Variants in MYOM1 observed in about 807,000 individuals in gnomAD.
MYOM1 encodes the protein myomesin-1.
Under a neutral mutation model 205.3 loss-of-function variants are expected in MYOM1, and 164 were observed. The ratio of observed to expected loss-of-function variants is 0.80; its 90% CI spans 0.70 to 0.91. The LOEUF (loss-of-function observed/expected upper bound fraction) is 0.91. Among genes scored for constraint, MYOM1 ranks in the 40% least tolerant of loss-of-function variants. The pLI is 0.00. For missense variants in MYOM1, 2,011 were observed against 2,127.3 expected (o/e 0.95, Z 1.08); for synonymous variants, 772 against 789.4 (o/e 0.98, Z 0.37).
chr18:3,139,296 T>C (rs1341141912), intron 14 of MYOM1, among the ~76,000 whole-genome samples: 9 of 152,136 alleles, frequency 5.9e-5, no homozygotes, highest in Admixed American at 2.6e-4. Flanking sequence ...AGATTTTTGA[T>C]AGGGGAGTGA....
chr18:3,124,694 T>TA (rs2079754117), intron 19 of MYOM1, among the ~76,000 whole-genome samples: 1 of 152,026 alleles, frequency 6.6e-6, no homozygotes, highest in Non-Finnish European at 1.5e-5. Flanking sequence ...ATTTTGATGC[T>TA]TAACTCACAG....
At chr18:3,096,276 A>C (rs144005152) in intron 25 of MYOM1, among the ~76,000 whole-genome samples, 48 of 152,282 alleles carry the variant, frequency 3.2e-4, no homozygotes, top group Non-Finnish European at 3.5e-4. Context: ...TCCCCTCTAA[A>C]ATCAAATCGC....
At position 3,135,684 on chromosome 18, in the gene MYOM1, G is replaced by C; in HGVS notation, c.2072C>G (p.Pro691Arg). The C allele has an allele frequency of 6.2e-7, 1 of 1,613,934 alleles. No homozygotes were observed. Among genetic ancestry groups the C allele is most frequent in the Admixed American group, 1.7e-5 (1 of 60,008 alleles). Residue 691 changes from proline to arginine, a missense_variant, in exon 15 of 38, where the codon CCT (proline) becomes CGT (arginine). Pro to Arg is a moderately radical substitution (Grantham distance 103). Transcript: ENST00000356443. This position sits in a 1 kb window ranked among gnomAD's most constrained non-coding sequence, Gnocchi z 4.1. ...ENWQRVNTEL[P>R]VKSPRFALFD... ...CAGAGCAAAGCGGGGAGACTTCACA[G>C]GGAGCTCCGTGTTCACTCGCTGCCA...
chr18:3,080,773 A>G (rs2079075958), intron 33 of MYOM1, among the ~76,000 whole-genome samples: 1 of 152,206 alleles, frequency 6.6e-6, no homozygotes, highest in Admixed American at 6.5e-5. Context: ...ATCTAAAAAG[A>G]TATTAAAAAT....
chr18:3,087,989 TA>T (rs1193057776), intron 29 of MYOM1, among the ~76,000 whole-genome samples: 1 of 152,182 alleles, frequency 6.6e-6, no homozygotes, highest in African/African-American at 2.4e-5. Flanking sequence ...GGAGGCCTTC[TA>T]GAGATGACTG....
rs538980169 is a variant in MYOM1 at position 3,164,405 on chromosome 18, T to C, written c.1374A>G (p.Thr458=). 6.0e-5 allele frequency: 96 copies of C among 1,608,704 alleles called. 1 individual carries two copies. The Middle Eastern group carries it at 1.3e-3, about 22-fold the overall frequency. ...GCGTTGCCCGCTCTCCACTCCAAAG[T>C]GTTTGCACCCATTTTGATGGAGAAA... ...VPLSPSKWVQ[T]LWSGERATLT... Residue 458 remains threonine (T), a synonymous_variant, in exon 10 of 38, where the codon ACA becomes ACG. Coordinates refer to ENST00000356443, the MANE Select transcript of MYOM1 (RefSeq NM_003803.4).
At chr18:3,115,508 T>C (rs759329292) in intron 21 of MYOM1, among the ~76,000 whole-genome samples, 4 of 152,180 alleles carry the variant, frequency 2.6e-5, no homozygotes, top group African/African-American at 4.8e-5. Flanking sequence ...CAATGACCTC[T>C]TCTGCCAAAA....
intron 10 of MYOM1, among the ~76,000 whole-genome samples, chr18:3,162,705 C>A (rs1323821377): frequency 6.6e-6 from 1 of 152,128 alleles, no homozygotes; most frequent in African/African-American, 2.4e-5. Context: ...GAATAATATT[C>A]CACATGTGCA....
intron 5 of MYOM1, among the ~76,000 whole-genome samples, chr18:3,186,249 T>G (rs1236069691): frequency 6.6e-6 from 1 of 151,962 alleles, no homozygotes; most frequent in African/African-American, 2.4e-5. Context: ...GTTTATCTTG[T>G]CAGCTACCTC....
At chr18:3,138,361 T>G (rs2080000858) in intron 14 of MYOM1, among the ~76,000 whole-genome samples, 1 of 152,154 alleles carries the variant, frequency 6.6e-6, no homozygotes, top group African/African-American at 2.4e-5. Context: ...TGATCTTCGT[T>G]GACTTGACAG....
At chr18:3,078,068 G>A (rs1337798963) in intron 34 of MYOM1, among the ~76,000 whole-genome samples, 1 of 151,012 alleles carries the variant, frequency 6.6e-6, no homozygotes, top group African/African-American at 2.4e-5. Flanking sequence ...TTGAGACAGA[G>A]TCTCGCTCTG....
chr18:3,228,173 A>G, the MYOM1 span, among the ~76,000 whole-genome samples: 1 of 152,206 alleles, frequency 6.6e-6, no homozygotes, highest in Non-Finnish European at 1.5e-5. The surrounding 1 kb of genome is among the most constrained non-coding windows in gnomAD (Gnocchi z 4.5). Flanking sequence ...CGTGATGAAG[A>G]CCAGGTGACA....
Position 3,199,396 on chromosome 18 carries a change from G to T in MYOM1, c.291-5438C>A, listed in dbSNP as rs535291914. 1.4e-3 allele frequency among the ~76,000 whole-genome samples: 218 copies of T among 152,280 alleles called. 1 individual carries two copies. Among genetic ancestry groups the T allele is most frequent in the Non-Finnish European group, 2.2e-3 (148 of 68,032 alleles). ...ATCTGGAAAATAAGGTAGTCACAGGGTCCTTCATAAGCTCTCCATACATAT... is the reference window on the plus strand; with the variant it reads ...ATCTGGAAAATAAGGTAGTCACAGGTTCCTTCATAAGCTCTCCATACATAT... On this transcript the variant is annotated intron_variant, in intron 2 of 37. Transcript: ENST00000356443.
intron 12 of MYOM1, among the ~76,000 whole-genome samples, chr18:3,151,091 C>T (rs1328230554): frequency 2.0e-5 from 3 of 150,874 alleles, no homozygotes; most frequent in African/African-American, 4.9e-5. Flanking sequence ...CATCCTCCCA[C>T]CTTAGCCTCT....
intron 13 of MYOM1, among the ~76,000 whole-genome samples, chr18:3,143,345 C>T (rs1216547254): frequency 1.3e-5 from 2 of 152,018 alleles, no homozygotes; most frequent in African/African-American, 4.8e-5. Context: ...GATAAAATAC[C>T]TGCACTACGA....
chr18:3,188,075 T>C (rs903045296), intron 4 of MYOM1, among the ~76,000 whole-genome samples: 5 of 151,948 alleles, frequency 3.3e-5, no homozygotes, highest in African/African-American at 9.7e-5. Context: ...ACTCCTGTCC[T>C]CAAGTAATTC....
intron 5 of MYOM1, among the ~76,000 whole-genome samples, chr18:3,181,325 AT>A (rs2080727853): frequency 6.6e-6 from 1 of 151,540 alleles, no homozygotes; most frequent in South Asian, 2.1e-4. Flanking sequence ...TTTAAAAACT[AT>A]CTGAGAGAGA....
intron 9 of MYOM1, among the ~76,000 whole-genome samples, chr18:3,165,536 C>T (rs2080455416): frequency 6.6e-6 from 1 of 152,194 alleles, no homozygotes; most frequent in African/African-American, 2.4e-5. Flanking sequence ...TAATTCTAAG[C>T]CTCAAAACCA....
chr18:3,227,678 G>A, the MYOM1 span, among the ~76,000 whole-genome samples: 3 of 152,186 alleles, frequency 2.0e-5, no homozygotes, highest in Admixed American at 6.5e-5. Context: ...AATTAGCTGG[G>A]TATGGTGGCA....
Sources: allele counts gnomAD v4.1 joint callset (sites outside exome capture counted in the v4.1 genomes callset), GRCh38; gene constraint gnomAD v4.1.1; non-coding constraint Gnocchi (gnomAD v3.1); transcripts MANE v1.5; gene names NCBI Gene and HGNC (gene_info 2026-07-23, HGNC 2026-07-21).